Variants in CDH13 observed in about 807,000 individuals in gnomAD.
CDH13 encodes the protein cadherin 13.
In CDH13, 24 loss-of-function variants were observed where a neutral mutation model predicts 63.8. The ratio of observed to expected loss-of-function variants is 0.38; its 90% confidence interval spans 0.27 to 0.53. The LOEUF (loss-of-function observed/expected upper bound fraction) is 0.53, where lower values mean the gene tolerates loss of function less well. Among genes scored for constraint, CDH13 ranks in the 20% least tolerant of loss-of-function variants. The pLI, the probability that CDH13 is intolerant of heterozygous loss-of-function variation, is 0.85. For synonymous variants in CDH13, 503 were observed against 355.3 expected (o/e 1.42, Z -4.67); for missense variants, 1,049 against 903.1 (o/e 1.16, Z -2.07).
chr16:83,007,178 T>A (rs1167664142), intron 2 of CDH13, among the ~76,000 whole-genome samples: 4 of 152,164 alleles, frequency 2.6e-5, no homozygotes, highest in Non-Finnish European at 5.9e-5. Context: ...CACCTCGGCC[T>A]CCCAGAGTGC....
chr16:82,681,250 C>A (rs891369953), intron 1 of CDH13, among the ~76,000 whole-genome samples: 2 of 152,194 alleles, frequency 1.3e-5, no homozygotes, highest in African/African-American at 4.8e-5. Flanking sequence ...CCGGTGGCAA[C>A]GACCCCATAC....
At chr16:83,043,719 C>T (rs982867946) in intron 3 of CDH13, among the ~76,000 whole-genome samples, 9 of 151,672 alleles carry the variant, frequency 5.9e-5, no homozygotes, top group African/African-American at 1.9e-4. Context: ...ATTAGCTGGG[C>T]ATGGTGGTGC....
chr16:83,386,514 T>C (rs2091678027), intron 6 of CDH13, among the ~76,000 whole-genome samples: 1 of 152,182 alleles, frequency 6.6e-6, no homozygotes, highest in African/African-American at 2.4e-5. Context: ...GAGGTGTTGG[T>C]TCAAAATAAG....
chr16:82,676,734 C>T (rs1186075447), intron 1 of CDH13, among the ~76,000 whole-genome samples: 1 of 152,110 alleles, frequency 6.6e-6, no homozygotes, highest in Non-Finnish European at 1.5e-5. Context: ...GCATGAGATG[C>T]ACTTTCTGAG....
At chr16:83,014,772 ATATG>A (rs1315293829) in intron 2 of CDH13, among the ~76,000 whole-genome samples, 26,624 of 69,264 alleles carry the variant, frequency 0.38, 6,567 homozygotes, top group Admixed American at 0.45. Flanking sequence ...ATATATATAT[ATATG>A]TATATATATA....
chr16:83,355,173 C>A (rs901237641), intron 6 of CDH13, among the ~76,000 whole-genome samples: 2 of 152,118 alleles, frequency 1.3e-5, no homozygotes, highest in Non-Finnish European at 2.9e-5. Flanking sequence ...TTTCAATGTT[C>A]TAGGCATGAG....
intron 11 of CDH13, among the ~76,000 whole-genome samples, chr16:83,756,837 T>G (rs1212315750): frequency 6.6e-6 from 1 of 152,194 alleles, no homozygotes; most frequent in Non-Finnish European, 1.5e-5. Context: ...CTACAATCAT[T>G]GTGGGAGTCT....
chr16:83,111,630 T>C (rs1268085941), intron 3 of CDH13, among the ~76,000 whole-genome samples: 4 of 152,160 alleles, frequency 2.6e-5, no homozygotes, highest in African/African-American at 9.7e-5. Context: ...GTGTCATAAT[T>C]ACATTTATGT....
intron 1 of CDH13, among the ~76,000 whole-genome samples, chr16:82,801,961 G>A (rs1181609518): frequency 2.0e-5 from 3 of 152,208 alleles, no homozygotes. Context: ...ATGTGAATAA[G>A]TGGAAGGCAA....
Position 82,869,565 on chromosome 16 carries a change from G to A in CDH13, c.157+11092G>A, listed in dbSNP as rs576418720. Among the ~76,000 whole-genome samples, 117 of 152,116 alleles carry A rather than the reference G, an allele frequency of 7.7e-4. 1 individual carries two copies. Among genetic ancestry groups the A allele is most frequent in the Non-Finnish European group, 1.4e-3 (95 of 68,028 alleles). On this transcript the variant is annotated intron_variant, in intron 2 of 13. Transcript: ENST00000567109. Reference sequence around the variant, plus strand: ...AAAAGAACAAAATTAGAGTTATCACGTTATCTGACTTACAGTTGTACTACA... The same window carrying A: ...AAAAGAACAAAATTAGAGTTATCACATTATCTGACTTACAGTTGTACTACA...
chr16:83,556,559 A>G (rs1023136565), intron 7 of CDH13, among the ~76,000 whole-genome samples: 2 of 152,194 alleles, frequency 1.3e-5, no homozygotes, highest in Non-Finnish European at 2.9e-5. Context: ...CTCATCCCCA[A>G]TCACAAAGCC....
chr16:82,797,001 C>G (rs183539420), intron 1 of CDH13, among the ~76,000 whole-genome samples: 2 of 152,162 alleles, frequency 1.3e-5, no homozygotes, highest in Non-Finnish European at 2.9e-5. Context: ...TTTCTTCTGC[C>G]AAACCAGCCT....
At chr16:83,397,075 G>T (rs774663388) in intron 6 of CDH13, among the ~76,000 whole-genome samples, 39 of 151,994 alleles carry the variant, frequency 2.6e-4, no homozygotes, top group Non-Finnish European at 5.0e-4. Context: ...CTTTCTCCTG[G>T]CTTTCCTGAT....
At chr16:83,289,806 C>G (rs996810477) in intron 5 of CDH13, among the ~76,000 whole-genome samples, 1 of 152,198 alleles carries the variant, frequency 6.6e-6, no homozygotes, top group African/African-American at 2.4e-5. Flanking sequence ...CAATGTCTAT[C>G]ATACAGTTAG....
At chr16:83,674,038 C>G (rs1212983499) in intron 9 of CDH13, among the ~76,000 whole-genome samples, 1 of 152,234 alleles carries the variant, frequency 6.6e-6, no homozygotes, top group African/African-American at 2.4e-5. Flanking sequence ...TCTCTCAGCA[C>G]ATGTGAGGCA....
intron 4 of CDH13, among the ~76,000 whole-genome samples, chr16:83,173,252 A>G (rs1406714110): frequency 6.6e-6 from 1 of 152,150 alleles, no homozygotes; most frequent in Non-Finnish European, 1.5e-5. Context: ...GAACTCAGGC[A>G]GTCTGACCCT....
chr16:82,783,133 G>A (rs576977511), intron 1 of CDH13, among the ~76,000 whole-genome samples: 2 of 152,350 alleles, frequency 1.3e-5, no homozygotes, highest in East Asian at 1.9e-4. Context: ...GGTTGGCACC[G>A]AGGGACATTT....
intron 10 of CDH13, among the ~76,000 whole-genome samples, chr16:83,703,684 A>G (rs1342390294): frequency 6.6e-6 from 1 of 152,216 alleles, no homozygotes; most frequent in Non-Finnish European, 1.5e-5. Flanking sequence ...TGTTGAACAC[A>G]TACATTACTT....
At chr16:83,542,641 A>T (rs1436997803) in intron 7 of CDH13, among the ~76,000 whole-genome samples, 1 of 152,116 alleles carries the variant, frequency 6.6e-6, no homozygotes, top group African/African-American at 2.4e-5. Context: ...CCAGGGGAGA[A>T]TCCTTCCTTG....
Sources: gnomAD v4.1 joint callset for allele counts (sites outside exome capture counted in the v4.1 genomes callset) on GRCh38, gnomAD v4.1.1 for gene constraint, MANE v1.5 for transcripts, NCBI Gene and HGNC (gene_info 2026-07-23, HGNC 2026-07-21) for gene names.